FIGLA: variants seen among roughly 807,000 people sequenced by gnomAD.
FIGLA encodes the protein factor in the germline alpha.
Under a neutral mutation model 21.5 loss-of-function variants are expected in FIGLA, and 17 were observed. The ratio of observed to expected loss-of-function variants is 0.79; its 90% CI spans 0.54 to 1.19. The LOEUF (loss-of-function observed/expected upper bound fraction) is 1.19, where lower values mean the gene tolerates loss of function less well. FIGLA is among the 50% of genes most tolerant of loss of function. FIGLA has a pLI of 0.00. For missense variants in FIGLA, 282 were observed against 285.0 expected, an observed-to-expected ratio of 0.99 and a Z score of 0.08; for synonymous variants, 129 against 117.6, an observed-to-expected ratio of 1.10 and a Z score of -0.63.
intron 3 of FIGLA, among the ~76,000 whole-genome samples, chr2:70,782,078 T>C (rs1675866131): frequency 6.6e-6 from 1 of 152,230 alleles, no homozygotes; most frequent in Admixed American, 6.5e-5. Context: ...AAATTACAGA[T>C]TTGATAAATA....
chr2:70,785,470 G>A lies in FIGLA; in HGVS notation c.554C>T (p.Ala185Val). ...ADGGSGEPAH[A>V]CRHSVMSTTE... ...CGTAGACATCACACTGTGGCGACAAGCGTGTGCTGGCTCACCACTGCCACC... is the reference window on the plus strand; with the variant it reads ...CGTAGACATCACACTGTGGCGACAAACGTGTGCTGGCTCACCACTGCCACC... The change falls in exon 3 of 5, where the codon GCT becomes GTT. Residue 185 changes from alanine (A) to valine (V), a missense_variant. By Grantham distance (64) the Ala-to-Val change is moderately conservative (BLOSUM62 0). Coordinates refer to ENST00000332372, the MANE Select transcript of FIGLA (RefSeq NM_001004311.3). 1.2e-6 allele frequency: 2 copies of A among 1,614,018 alleles called. No homozygotes were observed. The highest frequency in any genetic ancestry group is 1.7e-6 in the Non-Finnish European group (2 of 1,179,894).
At chr2:70,787,941 G>A (rs782059663) in intron 1 of FIGLA, 140 bp from the exon 2 acceptor site, 8 of 793,242 alleles carry the variant, frequency 1.0e-5, no homozygotes, top group Admixed American at 2.9e-5. Context: ...AAGAGTCAGT[G>A]CTCCACCAGC....
intron 3 of FIGLA, among the ~76,000 whole-genome samples, chr2:70,779,779 G>T (rs1371917334): frequency 2.0e-5 from 3 of 152,114 alleles, no homozygotes; most frequent in African/African-American, 7.2e-5. Context: ...CCAAAATTGA[G>T]GGTGGTCTTT....
chr2:70,789,930 A>C (rs1183020476), intron 1 of FIGLA, among the ~76,000 whole-genome samples: 1 of 151,902 alleles, frequency 6.6e-6, no homozygotes, highest in East Asian at 1.9e-4. Context: ...AAGAAAAGTC[A>C]CTTCCGTCAG....
In FIGLA at chr2:70,787,715, G is replaced by A. The variant is rs782680717; in HGVS notation, c.318C>T (p.Ile106=). ...GTATATATTCAGTCGCACCTTTAAG[G>A]ATATCAACTTTGCTGGGCTTCCTGC... ...PQSRKPSKVD[I]LKGATEYIQV... Residue 106 remains isoleucine (I), a synonymous_variant, in exon 2 of 5, where the codon ATC becomes ATT. Transcript: ENST00000332372. 2.5e-6 allele frequency: 4 copies of A among 1,610,252 alleles called. No individual in the cohort carries two copies. In the South Asian group the frequency reaches 4.5e-5, roughly 18 times the overall value.
chr2:70,777,360 T>C lies in FIGLA; in HGVS notation c.*7A>G, dbSNP rs56316086. 361,466 of 1,463,918 alleles carry C rather than the reference T, an allele frequency of 0.25. 52,927 individuals are homozygous for C. Among genetic ancestry groups the C allele is most frequent in the East Asian group, 0.67 (26,887 of 40,220 alleles). 90.7% of individuals were successfully genotyped at this position (1,463,918 alleles called of 1,614,324 possible). A position where few individuals can be genotyped will look rare whatever the true frequency, so the allele number is the denominator to read the frequency against. On this transcript the variant is annotated 3_prime_UTR_variant, in exon 5 of 5. Transcript: ENST00000332372. ...CTCTAGAAGGTAACCCTGGGCCTTT[T>C]CATTTTTCATACTTGTGGAAGTCTG... is the stretch of plus-strand genomic sequence containing the variant.
At chr2:70,786,321 G>C (rs1187801945) in intron 2 of FIGLA, among the ~76,000 whole-genome samples, 1 of 150,888 alleles carries the variant, frequency 6.6e-6, no homozygotes, top group African/African-American at 2.4e-5. Flanking sequence ...TTTTTTTGGG[G>C]GGGGACAGAG....
intron 1 of FIGLA, among the ~76,000 whole-genome samples, chr2:70,789,592 C>T (rs7561628): frequency 6.6e-6 from 1 of 151,784 alleles, no homozygotes; most frequent in Non-Finnish European, 1.5e-5. Context: ...GGAACAGCCC[C>T]GGGCGGTACT....
chr2:70,777,339 A>T lies in FIGLA; in HGVS notation c.*28T>A, dbSNP rs1574348321. The T allele has an allele frequency of 6.9e-7, 1 of 1,458,478 alleles. No homozygotes were observed. The highest frequency in any genetic ancestry group is 9.2e-7 in the Non-Finnish European group (1 of 1,090,918). 90.3% of individuals were successfully genotyped at this position (1,458,478 alleles called of 1,614,324 possible). ...TTCAAGACTGCATTTATTTGTCTCTAGAAGGTAACCCTGGGCCTTTTCATT... is the reference window on the plus strand; with the variant it reads ...TTCAAGACTGCATTTATTTGTCTCTTGAAGGTAACCCTGGGCCTTTTCATT... On this transcript the variant is annotated 3_prime_UTR_variant, in exon 5 of 5. Transcript: ENST00000332372.
At chr2:70,780,203 T>C (rs1340745355) in intron 3 of FIGLA, among the ~76,000 whole-genome samples, 2 of 152,194 alleles carry the variant, frequency 1.3e-5, no homozygotes, top group African/African-American at 4.8e-5. Flanking sequence ...AGGAATGTTG[T>C]TGATCTTGCA....
In FIGLA at chr2:70,788,415, G is replaced by C. The variant is rs782476107; in HGVS notation, c.232-614C>G. ...CTGAGTTAATGATATAGAGGCAAGGGTGAGAATCCAGAGAGTTGGTGAGAC... is the reference window on the plus strand; with the variant it reads ...CTGAGTTAATGATATAGAGGCAAGGCTGAGAATCCAGAGAGTTGGTGAGAC... On this transcript the variant is annotated intron_variant, in intron 1 of 4. Coordinates refer to ENST00000332372, the MANE Select transcript of FIGLA (RefSeq NM_001004311.3). Among the ~76,000 whole-genome samples the C allele has an allele frequency of 3.4e-4, 52 of 152,286 alleles. 1 individual carries two copies. The highest frequency in any genetic ancestry group is 6.9e-4 in the Non-Finnish European group (47 of 68,030).
At position 70,777,623 on chromosome 2, in the gene FIGLA, A is replaced by G; in HGVS notation, c.644+14T>C. On this transcript the variant is annotated intron_variant, in intron 4 of 4. Coordinates refer to ENST00000332372, the MANE Select transcript of FIGLA (RefSeq NM_001004311.3). ...ATAAATTGGCACTATGCATCAGGTT[A>G]TAGAATGACCTACCTGTGACTCAGC... 1.2e-6 allele frequency: 2 copies of G among 1,602,644 alleles called. No homozygotes were observed. Among genetic ancestry groups the G allele is most frequent in the Middle Eastern group, 1.7e-4 (1 of 6,044 alleles).
In FIGLA at chr2:70,777,328, T is replaced by C. The variant is rs1553388393; in HGVS notation, c.*39A>G. The stretch of plus-strand genomic sequence containing the variant: ...ACTCCAAAACTTTCAAGACTGCATT[T>C]ATTTGTCTCTAGAAGGTAACCCTGG... On this transcript the variant is annotated 3_prime_UTR_variant, in exon 5 of 5. Transcript: ENST00000332372. 2 of 1,409,970 alleles carry C rather than the reference T, an allele frequency of 1.4e-6. No homozygotes were observed. Among genetic ancestry groups the C allele is most frequent in the Non-Finnish European group, 1.9e-6 (2 of 1,054,648 alleles). 87.3% of individuals were successfully genotyped at this position (1,409,970 alleles called of 1,614,324 possible).
At chr2:70,787,515 AG>A (rs1432772994) in intron 2 of FIGLA, 133 bp downstream of exon 2, 57 of 942,298 alleles carry the variant, frequency 6.0e-5, no homozygotes, top group Non-Finnish European at 8.4e-5. Context: ...CTGTCAAATA[AG>A]GGTCATAAAA....
intron 3 of FIGLA, among the ~76,000 whole-genome samples, chr2:70,782,982 C>T (rs764006780): frequency 1.3e-4 from 19 of 150,112 alleles, no homozygotes; most frequent in Non-Finnish European, 2.2e-4. Context: ...TACTTGAACC[C>T]GGGAGGCGGA....
chr2:70,790,372 A>G, intron 1 of FIGLA, 36 bp downstream of exon 1: 11 of 1,489,960 alleles, frequency 7.4e-6, no homozygotes, highest in Non-Finnish European at 9.8e-6. Flanking sequence ...AGAGCAGGGA[A>G]GGGGGGAACG....
chr2:70,777,531 C>A, intron 4 of FIGLA, 106 bp downstream of exon 4: 1 of 1,492,946 alleles, frequency 6.7e-7, no homozygotes, highest in East Asian at 2.5e-5. Flanking sequence ...AAGATTCCTT[C>A]TTTTAATAGA....
At position 70,790,554 on chromosome 2, in the gene FIGLA, C is replaced by A; in HGVS notation, c.85G>T (p.Val29Leu). The change falls in exon 1 of 5, where the codon GTG (valine) becomes TTG (leucine). Residue 29 changes from valine to leucine, a missense_variant. By Grantham distance (32) the Val-to-Leu change is conservative. Coordinates refer to ENST00000332372, the MANE Select transcript of FIGLA (RefSeq NM_001004311.3). ...AGCGGCCCGAACTGCTCCCGCAACA[C>A]GTCCTCCAGCACCTCGGCTTGCGGG... ...GTPQAEVLEDVLREQFGPLPQ... is the reference protein window; with the variant it reads ...GTPQAEVLEDLLREQFGPLPQ... 2 of 1,531,202 alleles carry A rather than the reference C, an allele frequency of 1.3e-6. No individual in the cohort carries two copies. Among genetic ancestry groups the A allele is most frequent in the Non-Finnish European group, 1.7e-6 (2 of 1,144,122 alleles). The allele number at this position is 1,531,202 out of a possible 1,614,324, so 94.9% of individuals were successfully genotyped here. A position where few individuals can be genotyped will look rare whatever the true frequency, so the allele number is the denominator to read the frequency against.
At chr2:70,778,328 T>C (rs907614522) in intron 3 of FIGLA, among the ~76,000 whole-genome samples, 3 of 152,144 alleles carry the variant, frequency 2.0e-5, no homozygotes, top group Non-Finnish European at 2.9e-5. Context: ...GTTGTGAAAA[T>C]TAAATAGGTT....
Sources: allele counts gnomAD v4.1 joint callset (sites outside exome capture counted in the v4.1 genomes callset), GRCh38; gene constraint gnomAD v4.1.1; transcripts MANE v1.5; gene names NCBI Gene and HGNC (gene_info 2026-07-23, HGNC 2026-07-21).